GABRB1: variants seen among roughly 807,000 people sequenced by gnomAD.
The protein encoded by GABRB1 is gamma-aminobutyric acid receptor subunit beta-1.
Under a neutral mutation model 51.6 loss-of-function variants are expected in GABRB1, and 17 were observed. The ratio of observed to expected loss-of-function variants is 0.33; its 90% CI spans 0.23 to 0.49. GABRB1 has a LOEUF of 0.49. Ranked by LOEUF, GABRB1 falls within the 20% of genes least tolerant of loss-of-function variation. GABRB1 has a pLI of 0.99. For synonymous variants in GABRB1, 247 were observed against 218.9 expected, an observed-to-expected ratio of 1.13 and a Z score of -1.14; for missense variants, 410 against 600.6, an observed-to-expected ratio of 0.68 and a Z score of 3.32.
chr4:47,163,066 G>A (rs1340114684), intron 4 of GABRB1, among the ~76,000 whole-genome samples: 1 of 152,014 alleles, frequency 6.6e-6, no homozygotes, highest in Non-Finnish European at 1.5e-5. Context: ...AGCAGAGAAA[G>A]TATGACATCT....
rs1468391157 is a variant in GABRB1, at chr4:47,126,270, T to C, written c.241-34979T>C. On this transcript the variant is annotated intron_variant, in intron 3 of 8. Coordinates refer to ENST00000295454, the MANE Select transcript of GABRB1 (RefSeq NM_000812.4). Reference sequence around the variant, plus strand: ...AATAATAGAATAGGTTTGGGCCAAGTTGGGGGCAAAGATGTTGGTCAGGTT... The same window carrying C: ...AATAATAGAATAGGTTTGGGCCAAGCTGGGGGCAAAGATGTTGGTCAGGTT... 2.0e-5 allele frequency among the ~76,000 whole-genome samples: 3 copies of C among 152,176 alleles called. No homozygotes were observed. In the East Asian group the frequency reaches 5.8e-4, roughly 29 times the overall value.
At chr4:47,195,801 T>TTGATTTTTC (rs1309242754) in intron 4 of GABRB1, among the ~76,000 whole-genome samples, 1 of 152,248 alleles carries the variant, frequency 6.6e-6, no homozygotes, top group East Asian at 1.9e-4. Context: ...TGTAATTCTC[T>TTGATTTTTC]TGATTTTTCT....
intron 5 of GABRB1, among the ~76,000 whole-genome samples, chr4:47,335,708 T>C (rs1289418862): frequency 6.6e-6 from 1 of 152,202 alleles, no homozygotes; most frequent in East Asian, 1.9e-4. Flanking sequence ...TTGAAAATTC[T>C]CTTTTTTTCC....
chr4:47,019,184 A>G (rs971384346), intron 1 of GABRB1, among the ~76,000 whole-genome samples: 1 of 152,034 alleles, frequency 6.6e-6, no homozygotes, highest in African/African-American at 2.4e-5. Context: ...ATATTGGTTA[A>G]TCTATCAACA....
Position 47,007,895 on chromosome 4 carries a change from A to ATATATATATAT in GABRB1, c.-20+13969_-20+13970insTATATATATAT, listed in dbSNP as rs375965914. Among the ~76,000 whole-genome samples the ATATATATATAT allele has an allele frequency of 3.7e-3, 65 of 17,528 alleles. 2 individuals are homozygous for ATATATATATAT. The highest frequency in any genetic ancestry group is 0.013 in the South Asian group (6 of 478). 11.5% of individuals were successfully genotyped at this position (17,528 alleles called of 152,430 possible). A position where few individuals can be genotyped will look rare whatever the true frequency, so the allele number is the denominator to read the frequency against. On this transcript the variant is annotated intron_variant, in intron 1 of 3. Coordinates refer to the GABRB1 transcript ENST00000513567. ...ATATATATATATATATATATATATAAAATCAAGTTTGTATTTTTAAATAGT... is the reference window on the plus strand; with the variant it reads ...ATATATATATATATATATATATATAATATATATATATAATCAAGTTTGTATTTTTAAATAGT...
chr4:47,297,850 A>C (rs1164492402), intron 4 of GABRB1, among the ~76,000 whole-genome samples: 1 of 150,920 alleles, frequency 6.6e-6, no homozygotes, highest in Non-Finnish European at 1.5e-5. Context: ...ATTGATGCAA[A>C]AATTAACCAA....
intron 3 of GABRB1, among the ~76,000 whole-genome samples, chr4:47,107,606 A>C (rs1354460464): frequency 1.3e-5 from 2 of 152,152 alleles, no homozygotes; most frequent in East Asian, 3.8e-4. Context: ...AAATGGAGCC[A>C]ATAATATCAA....
chr4:47,349,616 C>T (rs188474336), intron 5 of GABRB1, among the ~76,000 whole-genome samples: 35 of 152,180 alleles, frequency 2.3e-4, no homozygotes, highest in Admixed American at 1.1e-3. Context: ...GGATCCACGC[C>T]GTATACACTG....
At chr4:47,358,456 C>G (rs901378928) in intron 5 of GABRB1, among the ~76,000 whole-genome samples, 43 of 151,648 alleles carry the variant, frequency 2.8e-4, no homozygotes, top group African/African-American at 9.5e-4. Context: ...AAGGAAATCA[C>G]TCATGTAACT....
chr4:47,307,352 C>G (rs574286153), intron 4 of GABRB1, among the ~76,000 whole-genome samples: 9 of 152,046 alleles, frequency 5.9e-5, no homozygotes, highest in African/African-American at 2.2e-4. Context: ...GATTTATGCT[C>G]ACAAAAGCAG....
chr4:47,072,705 T>G (rs1006266415), intron 3 of GABRB1, among the ~76,000 whole-genome samples: 1 of 152,192 alleles, frequency 6.6e-6, no homozygotes, highest in African/African-American at 2.4e-5. Context: ...TCTGCAGCAG[T>G]GATTATGTAT....
intron 4 of GABRB1, among the ~76,000 whole-genome samples, chr4:47,296,282 C>A (rs1211611104): frequency 1.3e-5 from 2 of 152,092 alleles, no homozygotes; most frequent in African/African-American, 2.4e-5. Context: ...TGTAAATGAG[C>A]TAAATGCTCC....
At chr4:47,158,860 T>C (rs1577960878) in intron 3 of GABRB1, among the ~76,000 whole-genome samples, 2 of 152,104 alleles carry the variant, frequency 1.3e-5, no homozygotes, top group Admixed American at 1.3e-4. Context: ...AATGTGTACA[T>C]AGCAATTAAA....
intron 4 of GABRB1, among the ~76,000 whole-genome samples, chr4:47,235,723 A>C (rs915089713): frequency 1.3e-5 from 2 of 152,122 alleles, no homozygotes; most frequent in Non-Finnish European, 2.9e-5. Flanking sequence ...TCCTTAGTAT[A>C]CCACATATCA....
At chr4:47,353,504 A>G (rs1000091511) in intron 5 of GABRB1, among the ~76,000 whole-genome samples, 4 of 152,306 alleles carry the variant, frequency 2.6e-5, no homozygotes, top group East Asian at 3.9e-4. Flanking sequence ...CTTCTAACCT[A>G]TAAAGAAATA....
chr4:47,382,281 A>T (rs1199300450), intron 5 of GABRB1, among the ~76,000 whole-genome samples: 4 of 152,104 alleles, frequency 2.6e-5, no homozygotes, highest in African/African-American at 9.7e-5. Context: ...CTTTGTGGGA[A>T]GTTTAGCAGC....
At chr4:47,347,730 C>A (rs907534661) in intron 5 of GABRB1, among the ~76,000 whole-genome samples, 1 of 151,984 alleles carries the variant, frequency 6.6e-6, no homozygotes, top group Non-Finnish European at 1.5e-5. Context: ...AAGTTTTTAA[C>A]GTAATTATGA....
chr4:47,143,620 C>T (rs1717026924), intron 3 of GABRB1, among the ~76,000 whole-genome samples: 1 of 151,912 alleles, frequency 6.6e-6, no homozygotes. Flanking sequence ...CTTTGTCATT[C>T]AACTCTCTAT....
intron 1 of GABRB1, among the ~76,000 whole-genome samples, chr4:47,009,045 T>C (rs1724506426): frequency 6.7e-6 from 1 of 148,326 alleles, no homozygotes; most frequent in African/African-American, 2.5e-5. Flanking sequence ...TTGTATTTTT[T>C]AGTAGAGACG....
Sources: allele counts gnomAD v4.1 joint callset (sites outside exome capture counted in the v4.1 genomes callset), GRCh38; gene constraint gnomAD v4.1.1; transcripts MANE v1.5; gene names NCBI Gene and HGNC (gene_info 2026-07-23, HGNC 2026-07-21).